The following NFAT5 variants were observed in gnomAD, a reference collection of about 807,000 sequenced individuals.
NFAT5 encodes the protein nuclear factor of activated T cells 5.
In NFAT5, 31 loss-of-function variants were observed where a neutral mutation model predicts 166.5. The observed-to-expected ratio is 0.19, with a 90% CI of 0.14 to 0.25. The LOEUF (loss-of-function observed/expected upper bound fraction) is 0.25, where lower values mean the gene tolerates loss of function less well. Among genes scored for constraint, NFAT5 ranks in the 10% least tolerant of loss-of-function variants. The pLI, the probability that NFAT5 is intolerant of heterozygous loss-of-function variation, is 1.00. For missense variants in NFAT5, 1,449 were observed against 1,821.8 expected (o/e 0.80, Z 3.72); for synonymous variants, 612 against 639.7 (o/e 0.96, Z 0.65).
chr16:69,672,007 A>G (rs1241628072), intron 9 of NFAT5, among the ~76,000 whole-genome samples: 1 of 152,212 alleles, frequency 6.6e-6, no homozygotes, highest in Non-Finnish European at 1.5e-5. Context: ...CCAGCGACCA[A>G]AGCTCTCAAG....
chr16:69,667,380 TG>T (rs2036436576), intron 7 of NFAT5, among the ~76,000 whole-genome samples: 1 of 151,856 alleles, frequency 6.6e-6, no homozygotes, highest in Admixed American at 6.6e-5. Flanking sequence ...GTAACAAAAC[TG>T]TATAATATGT....
rs749335886 is a variant in NFAT5, at chr16:69,647,473, A to C, written c.699A>C (p.Arg233=). The change falls in exon 4 of 15, where the codon CGA becomes CGC. Residue 233 remains arginine, a synonymous_variant. Transcript: ENST00000349945. This position sits in a 1 kb window ranked among gnomAD's most constrained non-coding sequence, Gnocchi z 4.8. ...AGCAGAGGCCGGGGGTCAAACGACG[A>C]GATTGTGAAGAATCTAATATGGATA... ...NPKQRPGVKR[R]DCEESNMDIF... is the part of the protein sequence containing the mutation. 1 of 1,613,614 alleles carries C rather than the reference A, an allele frequency of 6.2e-7. No homozygotes were observed. Among genetic ancestry groups the C allele is most frequent in the Non-Finnish European group, 8.5e-7 (1 of 1,180,022 alleles).
At chr16:69,613,780 T>C (rs920314941) in intron 2 of NFAT5, among the ~76,000 whole-genome samples, 1 of 152,244 alleles carries the variant, frequency 6.6e-6, no homozygotes, top group African/African-American at 2.4e-5. Flanking sequence ...ACTTGACTCA[T>C]TTTATTATCT....
At chr16:69,600,402 A>C (rs1193851118) in intron 2 of NFAT5, among the ~76,000 whole-genome samples, 4 of 152,142 alleles carry the variant, frequency 2.6e-5, no homozygotes, top group Admixed American at 6.6e-5. Flanking sequence ...TAGGAAGACA[A>C]CTGTAGTACT....
chr16:69,675,109 TTAG>T (rs2036780693), intron 9 of NFAT5, among the ~76,000 whole-genome samples: 1 of 152,214 alleles, frequency 6.6e-6, no homozygotes, highest in Admixed American at 6.5e-5. Flanking sequence ...GTTTGAAGAA[TTAG>T]TAGCAAAATA....
Position 69,626,401 on chromosome 16 carries a change from A to G in NFAT5, c.128-2A>G. The G allele has an allele frequency of 3.8e-6, 6 of 1,558,674 alleles. No homozygotes were observed. Among genetic ancestry groups the G allele is most frequent in the Non-Finnish European group, 5.2e-6 (6 of 1,158,422 alleles). On this transcript the variant is annotated splice_acceptor_variant, in intron 2 of 14. Coordinates refer to ENST00000349945, the MANE Select transcript of NFAT5 (RefSeq NM_138713.4). LOFTEE classifies it high-confidence loss of function. ...TTTCTCCTCTCTTTCCCCTCCCCAC[A>G]GAATCTGTCTATGATCTTCTCCCAA...
chr16:69,649,100 A>G, intron 4 of NFAT5: 1 of 860,934 alleles, frequency 1.2e-6, no homozygotes, highest in Middle Eastern at 6.0e-4. Context: ...AAAATCAAGA[A>G]TTTCAGAACA....
intron 2 of NFAT5, among the ~76,000 whole-genome samples, chr16:69,614,521 C>A (rs1234291485): frequency 6.6e-6 from 1 of 152,166 alleles, no homozygotes; most frequent in Non-Finnish European, 1.5e-5. Context: ...AATCTTGAAC[C>A]TACAAAAGAG....
At chr16:69,661,679 G>T (rs1187750917) in intron 7 of NFAT5, among the ~76,000 whole-genome samples, 1 of 151,072 alleles carries the variant, frequency 6.6e-6, no homozygotes, top group East Asian at 1.9e-4. Context: ...ATTAAATGCA[G>T]TTGTTCTCAA....
At chr16:69,573,869 C>CT (rs774086026) in intron 2 of NFAT5, among the ~76,000 whole-genome samples, 1,394 of 111,720 alleles carry the variant, frequency 0.012, 11 homozygotes, top group Non-Finnish European at 0.018. Context: ...AAAACAGCCA[C>CT]TTTTTTTTTT....
intron 1 of NFAT5, among the ~76,000 whole-genome samples, chr16:69,567,177 G>A (rs986585438): frequency 6.6e-6 from 1 of 152,200 alleles, no homozygotes; most frequent in African/African-American, 2.4e-5. Flanking sequence ...AATTTTCTCT[G>A]CTTTTCCGTT....
At chr16:69,609,112 C>T (rs1309130167) in intron 2 of NFAT5, among the ~76,000 whole-genome samples, 7 of 150,466 alleles carry the variant, frequency 4.7e-5, no homozygotes, top group Non-Finnish European at 8.9e-5. Flanking sequence ...CAGAGTGAGA[C>T]TCCGCCTCAA....
chr16:69,626,301 G>GT (rs1055142994), intron 2 of NFAT5, 102 bp from the exon 3 acceptor site: 1 of 1,078,710 alleles, frequency 9.3e-7, no homozygotes, highest in Non-Finnish European at 1.3e-6. Context: ...GAATAATACA[G>GT]TTCTCCTCAT....
intron 2 of NFAT5, among the ~76,000 whole-genome samples, chr16:69,571,348 G>A (rs969676369): frequency 3.3e-5 from 5 of 151,694 alleles, no homozygotes; most frequent in Non-Finnish European, 7.4e-5. Context: ...TAAGAACTCA[G>A]CGAATTCTCC....
At chr16:69,624,209 C>G (rs989580429) in intron 2 of NFAT5, among the ~76,000 whole-genome samples, 1 of 151,936 alleles carries the variant, frequency 6.6e-6, no homozygotes, top group African/African-American at 2.4e-5. Flanking sequence ...TTCTTTCATT[C>G]TTTTTTTGTT....
chr16:69,680,053 G>C (rs1278713808), intron 10 of NFAT5, among the ~76,000 whole-genome samples: 1 of 152,188 alleles, frequency 6.6e-6, no homozygotes, highest in East Asian at 1.9e-4. Context: ...GGGAGGCAGA[G>C]CTTGCAGTGA....
intron 6 of NFAT5, among the ~76,000 whole-genome samples, chr16:69,656,872 G>C (rs1426297071): frequency 1.3e-5 from 2 of 152,096 alleles, no homozygotes; most frequent in Non-Finnish European, 2.9e-5. Context: ...TATATCTTTA[G>C]ATTTAGATTA....
In NFAT5 at chr16:69,692,587, G is replaced by C; in HGVS notation, c.2762G>C (p.Ser921Thr). The change falls in exon 13 of 15, where the codon AGT becomes ACT. Residue 921 changes from serine (S) to threonine (T), a missense_variant. This residue lies in a region of NFAT5 where 891 missense variants were observed against 993.0 expected (regional missense o/e 0.90). Coordinates refer to ENST00000349945, the MANE Select transcript of NFAT5 (RefSeq NM_138713.4). ...GCAATGGTGATGGAGATGCAACAGA[G>C]TATCTGCCAGGCAGCTGCCCAGATT... ...SAAMVMEMQQ[S>T]ICQAAAQIQS... The C allele has an allele frequency of 1.2e-6, 2 of 1,614,210 alleles. No homozygotes were observed. Among genetic ancestry groups the C allele is most frequent in the Non-Finnish European group, 1.7e-6 (2 of 1,180,046 alleles).
intron 2 of NFAT5, among the ~76,000 whole-genome samples, chr16:69,571,128 C>CAAAAA (rs2016405929): frequency 1.6e-4 from 6 of 36,740 alleles, no homozygotes; most frequent in African/African-American, 2.8e-4. Context: ...CCCATCTCTA[C>CAAAAA]TAAAAAAAAA....
Sources: gnomAD v4.1 joint callset for allele counts (sites outside exome capture counted in the v4.1 genomes callset) on GRCh38, gnomAD v4.1.1 for gene constraint, gnomAD v4.1.1 regional missense constraint, Gnocchi (gnomAD v3.1) non-coding constraint, MANE v1.5 for transcripts, NCBI Gene and HGNC (gene_info 2026-07-23, HGNC 2026-07-21) for gene names.